The following OTOGL variants were observed in gnomAD, a reference collection of about 807,000 sequenced individuals.
OTOGL encodes the protein otogelin like.
A neutral mutation model predicts 318.5 loss-of-function variants in OTOGL; 285 were observed. The observed-to-expected ratio is 0.89, with a 90% confidence interval of 0.81 to 0.99. OTOGL has a LOEUF of 0.99. Among genes scored for constraint, OTOGL ranks in the 50% least tolerant of loss-of-function variants. The pLI is 0.00. For missense variants in OTOGL, 2,899 were observed against 2,845.6 expected (o/e 1.02, Z -0.43); for synonymous variants, 987 against 936.5 (o/e 1.05, Z -0.99).
At chr12:80,107,161 A>G (rs1222118409) in intron 1 of OTOGL, among the ~76,000 whole-genome samples, 2 of 152,128 alleles carry the variant, frequency 1.3e-5, no homozygotes, top group Non-Finnish European at 2.9e-5. Flanking sequence ...GCTGTAACAA[A>G]TTATCTCACA....
intron 18 of OTOGL, among the ~76,000 whole-genome samples, chr12:80,260,781 C>A (rs1277070003): frequency 2.0e-5 from 3 of 151,982 alleles, no homozygotes; most frequent in Admixed American, 6.6e-5. Context: ...ATAAGAGAGC[C>A]AAGCTCTAAG....
rs11343611 is a variant in OTOGL at position 80,355,224 on chromosome 12, C to CTTTTTTTT, written c.5594-508_5594-507insTTTTTTTT. ...ACTTTTTTCTTTTCTTTCTTTCTTT[C>CTTTTTTTT]TTTTCTTTTTTTTTTTTTTTTTTTG... is the stretch of plus-strand genomic sequence containing the variant. On this transcript the variant is annotated intron_variant, in intron 46 of 58. Coordinates refer to ENST00000547103, the MANE Select transcript of OTOGL (RefSeq NM_001378609.3). Among the ~76,000 whole-genome samples, 27 of 65,628 alleles carry CTTTTTTTT rather than the reference C, an allele frequency of 4.1e-4. 2 individuals carry two copies. The highest frequency in any genetic ancestry group is 5.3e-4 in the Non-Finnish European group (18 of 33,730). 43.1% of individuals were successfully genotyped at this position (65,628 alleles called of 152,430 possible).
At chr12:80,107,459 G>A (rs1237670324) in intron 1 of OTOGL, among the ~76,000 whole-genome samples, 4 of 152,202 alleles carry the variant, frequency 2.6e-5, no homozygotes, top group African/African-American at 7.2e-5. Flanking sequence ...ACAGATGCTA[G>A]TGAGGTTGCG....
In OTOGL at chr12:80,209,751, A is replaced by G. The variant is rs144863175; in HGVS notation, c.79+241A>G. Among the ~76,000 whole-genome samples, 5 of 152,232 alleles carry G rather than the reference A, an allele frequency of 3.3e-5. No individual in the cohort carries two copies. In the East Asian group the frequency reaches 9.6e-4, roughly 29 times the overall value. The stretch of plus-strand genomic sequence containing the variant: ...AATCATGCTTTTATTATGATATGCA[A>G]TTGTACTAGAACCTTTTAGTTTTCA... On this transcript the variant is annotated intron_variant, in intron 2 of 58. Coordinates refer to ENST00000547103, the MANE Select transcript of OTOGL (RefSeq NM_001378609.3).
At chr12:80,137,251 G>A (rs71463857) in intron 1 of OTOGL, among the ~76,000 whole-genome samples, 5,313 of 151,728 alleles carry the variant, frequency 0.035, 111 homozygotes, top group South Asian at 0.09. Flanking sequence ...TTATATAATA[G>A]TATCTCGGTA....
At chr12:80,307,540 A>C (rs1886237990) in intron 29 of OTOGL, among the ~76,000 whole-genome samples, 1 of 140,458 alleles carries the variant, frequency 7.1e-6, no homozygotes, top group Non-Finnish European at 1.5e-5. Context: ...CACCTCCGGG[A>C]CGGGGCAGCT....
At chr12:80,375,499 A>G (rs1891130293) in intron 57 of OTOGL, among the ~76,000 whole-genome samples, 1 of 152,192 alleles carries the variant, frequency 6.6e-6, no homozygotes, top group African/African-American at 2.4e-5. Context: ...TGAGTGGTAT[A>G]AAGAAAAATA....
At chr12:80,254,127 G>A (rs556947230) in intron 14 of OTOGL, among the ~76,000 whole-genome samples, 14 of 151,966 alleles carry the variant, frequency 9.2e-5, no homozygotes, top group African/African-American at 1.9e-4. Context: ...TTCTGTTTCC[G>A]TTTTACAGGT....
chr12:80,237,498 G>A (rs1302068808), intron 9 of OTOGL, among the ~76,000 whole-genome samples: 6 of 152,132 alleles, frequency 3.9e-5, no homozygotes, highest in African/African-American at 7.2e-5. Context: ...AAGATTTTAG[G>A]AAAGAGTGGT....
At chr12:80,197,934 A>C (rs779647283) in intron 1 of OTOGL, among the ~76,000 whole-genome samples, 9 of 152,140 alleles carry the variant, frequency 5.9e-5, no homozygotes, top group Non-Finnish European at 1.3e-4. Context: ...TAGTATAAAA[A>C]TTTCTTTCTT....
intron 1 of OTOGL, among the ~76,000 whole-genome samples, chr12:80,139,155 A>C (rs1871765434): frequency 6.6e-6 from 1 of 152,168 alleles, no homozygotes; most frequent in Non-Finnish European, 1.5e-5. Flanking sequence ...GGAGGATGGC[A>C]TAAAGGCTGA....
At chr12:80,256,232 C>G in intron 16 of OTOGL, 105 bp from the exon 17 acceptor site, 6 of 1,268,336 alleles carry the variant, frequency 4.7e-6, no homozygotes, top group Non-Finnish European at 6.4e-6. Flanking sequence ...GTTCTCTCCT[C>G]TCTCTTTCTC....
chr12:80,120,671 A>G (rs1354921110), intron 1 of OTOGL, among the ~76,000 whole-genome samples: 1 of 152,230 alleles, frequency 6.6e-6, no homozygotes, highest in Non-Finnish European at 1.5e-5. Context: ...GCTACACAAG[A>G]GAAGTTTTAG....
At chr12:80,149,719 G>A (rs1565879612) in intron 1 of OTOGL, among the ~76,000 whole-genome samples, 1 of 152,230 alleles carries the variant, frequency 6.6e-6, no homozygotes, top group African/African-American at 2.4e-5. Flanking sequence ...CAATCATCGA[G>A]ACTCCATGGG....
At chr12:80,293,433 T>C (rs1008496319) in intron 26 of OTOGL, among the ~76,000 whole-genome samples, 1 of 152,230 alleles carries the variant, frequency 6.6e-6, no homozygotes, top group Admixed American at 6.5e-5. Context: ...CCCAACTTTT[T>C]ATGTCTTCTT....
chr12:80,271,606 GA>G, intron 23 of OTOGL, 41 bp from the exon 24 acceptor site: 1 of 1,579,190 alleles, frequency 6.3e-7, no homozygotes, highest in Non-Finnish European at 8.6e-7. Context: ...CCCATGCCAT[GA>G]CAAAAAGTTA....
chr12:80,242,639 G>A (rs1397166591), intron 11 of OTOGL, among the ~76,000 whole-genome samples: 1 of 152,076 alleles, frequency 6.6e-6, no homozygotes, highest in East Asian at 1.9e-4. Context: ...GGTTATGATA[G>A]TGTATTGAAT....
intron 30 of OTOGL, among the ~76,000 whole-genome samples, 194 bp downstream of exon 30, chr12:80,310,921 A>G (rs1320876767): frequency 6.6e-6 from 1 of 152,172 alleles, no homozygotes; most frequent in African/African-American, 2.4e-5. Context: ...TTTCTCCCTT[A>G]CTACATCTAA....
intron 1 of OTOGL, among the ~76,000 whole-genome samples, chr12:80,119,672 G>A: frequency 6.6e-6 from 1 of 152,100 alleles, no homozygotes; most frequent in East Asian, 1.9e-4. Context: ...ATGCTGATTT[G>A]TTGACATGGC....
Sources: gnomAD v4.1 joint callset for allele counts (sites outside exome capture counted in the v4.1 genomes callset) on GRCh38, gnomAD v4.1.1 for gene constraint, MANE v1.5 for transcripts, NCBI Gene and HGNC (gene_info 2026-07-23, HGNC 2026-07-21) for gene names.